The following ANKRD36C variants were observed in gnomAD, a reference collection of about 807,000 sequenced individuals.
ANKRD36C encodes the protein ankyrin repeat domain 36C.
In ANKRD36C, 61 loss-of-function variants were observed where a neutral mutation model predicts 276.4. The ratio of observed to expected loss-of-function variants is 0.22; its 90% CI spans 0.18 to 0.27. ANKRD36C has a LOEUF of 0.27. Among genes scored for constraint, ANKRD36C ranks in the 10% least tolerant of loss-of-function variants. The probability of loss-of-function intolerance (pLI) is 1.00; values close to 1 mark genes in which losing one functional copy is unlikely to be tolerated. For missense variants in ANKRD36C, 1,447 were observed against 2,032.3 expected (o/e 0.71, Z 5.54); for synonymous variants, 483 against 680.1 (o/e 0.71, Z 4.51).
At chr2:95,869,840 A>T (rs553058230) in intron 59 of ANKRD36C, among the ~76,000 whole-genome samples, 77 of 152,314 alleles carry the variant, frequency 5.1e-4, no homozygotes, top group African/African-American at 1.7e-3. Context: ...GGCTTAAAAA[A>T]CGGCACACCA....
At chr2:95,936,600 T>A (rs1677724380) in intron 22 of ANKRD36C, among the ~76,000 whole-genome samples, 1 of 151,932 alleles carries the variant, frequency 6.6e-6, no homozygotes, top group Non-Finnish European at 1.5e-5. Context: ...ATATACCAGG[T>A]CCACATAAAG....
chr2:95,926,737 T>C (rs1232953109), intron 28 of ANKRD36C, among the ~76,000 whole-genome samples: 2 of 151,604 alleles, frequency 1.3e-5, no homozygotes, highest in African/African-American at 4.8e-5. Context: ...AATAACTTCT[T>C]ATTTTCCCTC....
chr2:95,896,927 G>C lies in ANKRD36C; in HGVS notation c.2755+2218C>G, dbSNP rs1425209906. On this transcript the variant is annotated intron_variant, in intron 44 of 66. Transcript: ENST00000456556. ...TTTTCTTGGCAGTACGATCTGAAGTGTGTAAATTCTATACTTCCTCTCTTT... is the reference window on the plus strand; with the variant it reads ...TTTTCTTGGCAGTACGATCTGAAGTCTGTAAATTCTATACTTCCTCTCTTT... 3.4e-5 allele frequency among the ~76,000 whole-genome samples: 5 copies of C among 147,914 alleles called. 1 individual carries two copies. The highest frequency in any genetic ancestry group is 6.7e-5 in the Admixed American group (1 of 14,850).
chr2:95,851,490 A>C (rs1675290671), intron 66 of ANKRD36C, among the ~76,000 whole-genome samples: 1 of 152,234 alleles, frequency 6.6e-6, no homozygotes, highest in Admixed American at 6.5e-5. Context: ...CTATGTGCAT[A>C]AGGTATATAT....
rs906940562 is a variant in ANKRD36C at position 95,931,849 on chromosome 2, T to TAAACACACAC, written c.1736-2583_1736-2582insGTGTGTGTTT. 6.6e-4 allele frequency among the ~76,000 whole-genome samples: 74 copies of TAAACACACAC among 111,538 alleles called. 4 individuals are homozygous for TAAACACACAC. Among genetic ancestry groups the TAAACACACAC allele is most frequent in the East Asian group, 3.4e-3 (11 of 3,252 alleles). 73.2% of individuals were successfully genotyped at this position (111,538 alleles called of 152,430 possible). A position where few individuals can be genotyped will look rare whatever the true frequency, so the allele number is the denominator to read the frequency against. The stretch of plus-strand genomic sequence containing the variant: ...CAGAAGAGAAAAAAATACACACACA[T>TAAACACACAC]ACACACACACACACACACATTCACA... On this transcript the variant is annotated intron_variant, in intron 24 of 66. Coordinates refer to ENST00000456556, the Ensembl canonical transcript of ANKRD36C.
intron 59 of ANKRD36C, among the ~76,000 whole-genome samples, chr2:95,873,752 A>T (rs1009118190): frequency 6.6e-6 from 1 of 152,260 alleles, no homozygotes; most frequent in African/African-American, 2.4e-5. Context: ...CTGTTTGCAG[A>T]TGACATGATT....
intron 59 of ANKRD36C, among the ~76,000 whole-genome samples, chr2:95,872,947 C>A (rs1318656456): frequency 1.3e-5 from 2 of 152,188 alleles, no homozygotes; most frequent in African/African-American, 4.8e-5. Context: ...GAAACATACA[C>A]CCTCCCAAGA....
At chr2:95,962,256 T>A in intron 8 of ANKRD36C, 96 bp downstream of exon 8, 1 of 1,336,392 alleles carries the variant, frequency 7.5e-7, no homozygotes, top group Non-Finnish European at 1.0e-6. Context: ...TGAATCAGAA[T>A]GTGCAGATTC....
intron 59 of ANKRD36C, among the ~76,000 whole-genome samples, chr2:95,873,838 T>G (rs534115799): frequency 7.9e-5 from 12 of 152,344 alleles, no homozygotes; most frequent in South Asian, 2.1e-4. Context: ...AGTCTCAGGA[T>G]ACAAAATCAA....
At chr2:95,925,731 C>T (rs1021800322) in intron 28 of ANKRD36C, among the ~76,000 whole-genome samples, 184 bp from the exon 29 acceptor site, 4 of 151,450 alleles carry the variant, frequency 2.6e-5, no homozygotes, top group Non-Finnish European at 5.9e-5. Context: ...GGAATACACG[C>T]TTCCAGAAAA....
intron 50 of ANKRD36C, 52 bp downstream of exon 70, chr2:95,887,873 G>C (rs546951696): frequency 1.9e-6 from 3 of 1,545,010 alleles, no homozygotes; most frequent in Non-Finnish European, 2.6e-6. Context: ...GGGAAGAGAA[G>C]TACTTTTCTA....
At chr2:95,893,794 A>G in intron 44 of ANKRD36C, 70 bp from the exon 63 acceptor site, 2 of 1,597,870 alleles carry the variant, frequency 1.3e-6, no homozygotes, top group Non-Finnish European at 1.7e-6. Context: ...ATTCATGCAG[A>G]GTTAGCATCA....
intron 48 of ANKRD36C, 98 bp downstream of exon 68, chr2:95,889,701 A>T (rs1676287978): frequency 6.9e-7 from 1 of 1,439,076 alleles, no homozygotes; most frequent in Admixed American, 2.0e-5. Flanking sequence ...CTGAATCAGA[A>T]CATGAAGATT....
intron 60 of ANKRD36C, among the ~76,000 whole-genome samples, chr2:95,865,744 A>G (rs1675671942): frequency 6.6e-6 from 1 of 152,128 alleles, no homozygotes; most frequent in Non-Finnish European, 1.5e-5. Flanking sequence ...CTGTGTTGGC[A>G]ATCAAAAAGT....
chr2:95,939,487 C>T (rs1228362880), intron 20 of ANKRD36C, among the ~76,000 whole-genome samples: 5 of 151,148 alleles, frequency 3.3e-5, no homozygotes, highest in African/African-American at 1.2e-4. Context: ...GGGCAGATCA[C>T]GAAGTCAGGA....
chr2:95,952,923 G>A (rs1678234343), intron 14 of ANKRD36C, among the ~76,000 whole-genome samples: 1 of 152,262 alleles, frequency 6.6e-6, no homozygotes, highest in Non-Finnish European at 1.5e-5. Context: ...GTGCCTCATA[G>A]TAATGCAGGA....
At chr2:95,863,642 GAATATCACTCTACACATAAAGA>G (rs1675629471) in intron 60 of ANKRD36C, among the ~76,000 whole-genome samples, 1 of 151,960 alleles carries the variant, frequency 6.6e-6, no homozygotes, top group South Asian at 2.1e-4. Context: ...CCATACAGTG[GAATATCACTCTACACATAAAGA>G]AATGAGCAAT....
intron 60 of ANKRD36C, among the ~76,000 whole-genome samples, chr2:95,860,963 A>G (rs1317657615): frequency 2.0e-5 from 3 of 152,272 alleles, no homozygotes; most frequent in Non-Finnish European, 2.9e-5. Context: ...AAAAACAGTT[A>G]AAGAAAATTA....
intron 42 of ANKRD36C, among the ~76,000 whole-genome samples, chr2:95,911,553 C>G (rs1004293402): frequency 6.6e-6 from 1 of 151,470 alleles, no homozygotes; most frequent in Non-Finnish European, 1.5e-5. Context: ...CTAAAATCAA[C>G]AAAACATGTA....
Sources: gnomAD v4.1 joint callset for allele counts (sites outside exome capture counted in the v4.1 genomes callset) on GRCh38, gnomAD v4.1.1 for gene constraint, MANE v1.5 for transcripts, NCBI Gene and HGNC (gene_info 2026-07-23, HGNC 2026-07-21) for gene names.